Variants in TOP1MT observed in about 807,000 individuals in gnomAD.
TOP1MT encodes the protein DNA topoisomerase I, mitochondrial.
Under a neutral mutation model 73.9 loss-of-function variants are expected in TOP1MT, and 80 were observed. That is an observed-to-expected ratio of 1.08 (90% confidence interval 0.90 to 1.30). The LOEUF is 1.30. TOP1MT is among the 50% of genes most tolerant of loss of function. The probability of loss-of-function intolerance (pLI) is 0.00; values close to 1 mark genes in which losing one functional copy is unlikely to be tolerated. For synonymous variants in TOP1MT, 338 were observed against 326.4 expected (o/e 1.04, Z -0.38); for missense variants, 815 against 808.0 (o/e 1.01, Z -0.10).
In TOP1MT at chr8:143,320,421, T is replaced by C. The variant is rs1055651916; in HGVS notation, c.1146+780A>G. On this transcript the variant is annotated intron_variant, in intron 8 of 13. Transcript: ENST00000329245. ...CTGGGATTACAGGCGTGAGCCACCT[T>C]GCCCGGCTGTTTTTTTAAATTATTA... is the stretch of plus-strand genomic sequence containing the variant. Among the ~76,000 whole-genome samples the C allele has an allele frequency of 5.3e-5, 8 of 152,102 alleles. No homozygotes were observed. In the East Asian group the frequency reaches 5.8e-4, roughly 11 times the overall value.
chr8:143,357,288 C>T (rs1817427867), upstream of TOP1MT, among the ~76,000 whole-genome samples: 1 of 151,202 alleles, frequency 6.6e-6, no homozygotes, highest in Non-Finnish European at 1.5e-5. Flanking sequence ...TAGTGCACAC[C>T]AGTAGTCCAG....
intron 3 of TOP1MT, 34 bp downstream of exon 3, chr8:143,329,316 C>T: frequency 1.3e-6 from 2 of 1,570,390 alleles, no homozygotes; most frequent in Non-Finnish European, 1.7e-6. Context: ...CAGCCAGGTC[C>T]AGGACAGCTG....
upstream of TOP1MT, among the ~76,000 whole-genome samples, chr8:143,338,695 G>A (rs1013732056): frequency 1.3e-5 from 2 of 152,202 alleles, no homozygotes; most frequent in South Asian, 2.1e-4. Flanking sequence ...TGGGAGAAAT[G>A]CAAATCCAAC....
intron 1 of TOP1MT, among the ~76,000 whole-genome samples, chr8:143,352,427 C>T (rs1282260886): frequency 6.6e-6 from 1 of 152,188 alleles, no homozygotes; most frequent in Non-Finnish European, 1.5e-5. Flanking sequence ...TCAGACCACT[C>T]AATGGGGAAA....
intron 13 of TOP1MT, 156 bp from the exon 14 acceptor site, chr8:143,309,699 A>G: frequency 6.6e-7 from 1 of 1,514,882 alleles, no homozygotes; most frequent in Non-Finnish European, 8.8e-7. Flanking sequence ...ACCCCACCCC[A>G]CGCATGCCGC....
intron 4 of TOP1MT, 92 bp from the exon 5 acceptor site, chr8:143,325,625 G>T: frequency 8.0e-7 from 1 of 1,247,176 alleles, no homozygotes; most frequent in Non-Finnish European, 1.1e-6. Flanking sequence ...ACCCTGCTCT[G>T]TCTGGCTAAC....
chr8:143,310,854 G>A (rs1176783441), intron 12 of TOP1MT, among the ~76,000 whole-genome samples: 1 of 152,222 alleles, frequency 6.6e-6, no homozygotes, highest in Non-Finnish European at 1.5e-5. Context: ...GGGGCCGAGG[G>A]ACACATGAGG....
intron 12 of TOP1MT, chr8:143,310,465 C>T (rs1317289049): frequency 2.6e-6 from 1 of 381,070 alleles, no homozygotes; most frequent in African/African-American, 2.1e-5. Flanking sequence ...ACCTGACTCG[C>T]AGGAGGGTGA....
At chr8:143,342,997 G>A (rs1173309049) in intron 2 of TOP1MT, among the ~76,000 whole-genome samples, 1 of 152,046 alleles carries the variant, frequency 6.6e-6, no homozygotes, top group Non-Finnish European at 1.5e-5. Context: ...CTGACCTCAG[G>A]TGACCCACCC....
At chr8:143,329,261 C>A in intron 3 of TOP1MT, 89 bp downstream of exon 3, 3 of 1,418,722 alleles carry the variant, frequency 2.1e-6, no homozygotes, top group Non-Finnish European at 1.9e-6. Flanking sequence ...CGAGAACTTG[C>A]GAGGGGCGTT....
chr8:143,328,131 G>T (rs1423739377), intron 3 of TOP1MT: 8 of 426,146 alleles, frequency 1.9e-5, no homozygotes, highest in African/African-American at 1.2e-4. Context: ...CAAACACCAT[G>T]AAAGATTTTT....
rs1361671324 is a variant in TOP1MT, at chr8:143,322,763, CGCACGCCACACACAG to C, written c.960+1221_960+1235del. Among the ~76,000 whole-genome samples, 18 of 35,888 alleles carry C rather than the reference CGCACGCCACACACAG, an allele frequency of 5.0e-4. 2 individuals are homozygous for C. The highest frequency in any genetic ancestry group is 6.8e-4 in the Non-Finnish European group (14 of 20,570). 23.5% of individuals were successfully genotyped at this position (35,888 alleles called of 152,430 possible). A position where few individuals can be genotyped will look rare whatever the true frequency, so the allele number is the denominator to read the frequency against. On this transcript the variant is annotated intron_variant, in intron 7 of 13. Transcript: ENST00000329245. ...GCCACACACGCACGCACGCCACACACGCACGCCACACACAGGCACGCCACACACATGCACACACAC... is the reference window on the plus strand; with the variant it reads ...GCCACACACGCACGCACGCCACACACGCACGCCACACACATGCACACACAC...
At chr8:143,320,857 C>A (rs1386809317) in intron 8 of TOP1MT, among the ~76,000 whole-genome samples, 1 of 152,156 alleles carries the variant, frequency 6.6e-6, no homozygotes, top group Non-Finnish European at 1.5e-5. Flanking sequence ...CAGACTCTGG[C>A]CCCCAGGGCT....
rs763071805 is a variant in TOP1MT at position 143,334,734 on chromosome 8, C to A, written c.122+6G>T. 44 of 1,600,678 alleles carry A rather than the reference C, an allele frequency of 2.7e-5. 1 individual carries two copies. Among genetic ancestry groups the A allele is most frequent in the East Asian group, 2.3e-4 (10 of 42,676 alleles). ...CCCTCGCCGCCTGCTCACTGGGACACCTTACCTGGCTCCACTGCCCTTCTG... is the reference window on the plus strand; with the variant it reads ...CCCTCGCCGCCTGCTCACTGGGACAACTTACCTGGCTCCACTGCCCTTCTG... On this transcript the variant is annotated splice_donor_region_variant and intron_variant, in intron 1 of 13. Coordinates refer to ENST00000329245, the MANE Select transcript of TOP1MT (RefSeq NM_052963.3).
Position 143,321,277 on chromosome 8 carries a change from C to G in TOP1MT, c.1070G>C (p.Cys357Ser), listed in dbSNP as rs1169295248. ...GAAGTCAAATTCCACCACGTGTTGG[C>G]AGCCATCGGCCTCCGGGTGCAGCTG... ...HVQLHPEADG[C>S]QHVVEFDFLG... is the part of the protein sequence containing the mutation. The change falls in exon 8 of 14, where the codon TGC (cysteine) becomes TCC (serine). Residue 357 changes from cysteine (C) to serine (S), a missense_variant. Around this residue, in one of 3 missense-constraint regions of TOP1MT, gnomAD observed 751 missense variants for 725.4 expected, o/e 1.04. Transcript: ENST00000329245. 2 of 1,612,488 alleles carry G rather than the reference C, an allele frequency of 1.2e-6. No individual in the cohort carries two copies. Among genetic ancestry groups the G allele is most frequent in the African/African-American group, 2.7e-5 (2 of 74,870 alleles).
intron 7 of TOP1MT, among the ~76,000 whole-genome samples, chr8:143,322,619 ACACAGGCACGTCACACACACACGC>A: frequency 7.8e-6 from 1 of 128,346 alleles, no homozygotes; most frequent in South Asian, 2.5e-4. Flanking sequence ...CATGCATGCC[ACACAGGCACGTCACACACACACGC>A]CACACGCACA....
chr8:143,319,136 T>A (rs936296630), intron 8 of TOP1MT, among the ~76,000 whole-genome samples: 5 of 152,052 alleles, frequency 3.3e-5, no homozygotes, highest in Non-Finnish European at 7.4e-5. Context: ...TCCGATTAAT[T>A]CATTCCTTAG....
upstream of TOP1MT, among the ~76,000 whole-genome samples, chr8:143,345,331 G>T (rs966906953): frequency 7.4e-6 from 1 of 134,548 alleles, no homozygotes; most frequent in Non-Finnish European, 1.6e-5. Flanking sequence ...GCAGGAGGCA[G>T]GTCCACAGGG....
upstream of TOP1MT, among the ~76,000 whole-genome samples, chr8:143,359,630 G>A (rs950292053): frequency 1.3e-4 from 19 of 151,748 alleles, no homozygotes; most frequent in African/African-American, 4.4e-4. Context: ...CACAAAAGGA[G>A]GGCCCATGGA....
Sources: allele counts gnomAD v4.1 joint callset (sites outside exome capture counted in the v4.1 genomes callset), GRCh38; gene constraint gnomAD v4.1.1; regional missense constraint gnomAD v4.1.1; transcripts MANE v1.5; gene names NCBI Gene and HGNC (gene_info 2026-07-23, HGNC 2026-07-21).